The following COLEC10 variants were observed in gnomAD, a reference collection of about 807,000 sequenced individuals.
The protein encoded by COLEC10 is collectin-10.
In COLEC10, 22 loss-of-function variants were observed where a neutral mutation model predicts 28.4. That is an observed-to-expected ratio of 0.78 (90% CI 0.55 to 1.11). The LOEUF (loss-of-function observed/expected upper bound fraction) is 1.11. Ranked by LOEUF, COLEC10 falls within the 50% of genes least tolerant of loss-of-function variation. The pLI, the probability that COLEC10 is intolerant of heterozygous loss-of-function variation, is 0.00. For synonymous variants in COLEC10, 125 were observed against 116.1 expected, an observed-to-expected ratio of 1.08 and a Z score of -0.49; for missense variants, 361 against 344.1, an observed-to-expected ratio of 1.05 and a Z score of -0.39.
rs1178269260 is a variant in COLEC10 at position 119,006,761 on chromosome 8, G to A, written n.123-2680G>A. Among the ~76,000 whole-genome samples, 40 of 151,864 alleles carry A rather than the reference G, an allele frequency of 2.6e-4. 1 individual carries two copies. On this transcript the variant is annotated intron_variant and non_coding_transcript_variant, in intron 1 of 6. Transcript: ENST00000521788. ...CCATTTTTTTTTATCTCCATCAGAT[G>A]TATCACCTGTATAACTCCTGTTCGT...
At chr8:119,004,120 A>G (rs1813746277) in intron 1 of COLEC10, among the ~76,000 whole-genome samples, 1 of 152,084 alleles carries the variant, frequency 6.6e-6, no homozygotes, top group Admixed American at 6.6e-5. Context: ...TTTTCATAGT[A>G]AGCAATCAAA....
chr8:119,022,290 A>T (rs1010857857), intron 2 of COLEC10, among the ~76,000 whole-genome samples: 1 of 152,000 alleles, frequency 6.6e-6, no homozygotes, highest in Non-Finnish European at 1.5e-5. Context: ...GAGACTGAGC[A>T]CCCTCTCTTA....
At chr8:119,078,214 C>T (rs918999925) in intron 1 of COLEC10, among the ~76,000 whole-genome samples, 2 of 152,188 alleles carry the variant, frequency 1.3e-5, no homozygotes, top group African/African-American at 4.8e-5. Context: ...CATCTGCTAA[C>T]CTAATTTTAA....
chr8:119,077,350 C>T (rs1400697198), intron 1 of COLEC10, among the ~76,000 whole-genome samples: 1 of 139,976 alleles, frequency 7.1e-6, no homozygotes, highest in African/African-American at 2.6e-5. Flanking sequence ...TTTTTTTCTG[C>T]TCCCTCTTTT....
intron 2 of COLEC10, among the ~76,000 whole-genome samples, chr8:119,010,875 A>G (rs1462168034): frequency 6.6e-6 from 1 of 150,896 alleles, no homozygotes; most frequent in Non-Finnish European, 1.5e-5. Flanking sequence ...GAATTTTAAG[A>G]GTTCTTTGTA....
intron 2 of COLEC10, among the ~76,000 whole-genome samples, chr8:119,015,673 T>C (rs1294067821): frequency 6.6e-6 from 1 of 152,214 alleles, no homozygotes; most frequent in Non-Finnish European, 1.5e-5. Flanking sequence ...CTGTGCTGGT[T>C]CCTGTGAAAG....
the COLEC10 span, among the ~76,000 whole-genome samples, chr8:118,970,622 C>A: frequency 6.7e-6 from 1 of 148,310 alleles, no homozygotes. Context: ...CCTTTTCTTT[C>A]TCTTTTTTTT....
chr8:119,001,352 A>G (rs1301229597), intron 1 of COLEC10, among the ~76,000 whole-genome samples: 1 of 152,168 alleles, frequency 6.6e-6, no homozygotes, highest in East Asian at 1.9e-4. Flanking sequence ...AATTTTGCCT[A>G]GATGCTAAAT....
At chr8:119,034,835 C>A (rs888037197) in intron 2 of COLEC10, among the ~76,000 whole-genome samples, 8 of 152,152 alleles carry the variant, frequency 5.3e-5, no homozygotes, top group African/African-American at 1.9e-4. Context: ...ATTCCTGAAC[C>A]TCCATTTCTC....
intron 3 of COLEC10, among the ~76,000 whole-genome samples, 159 bp downstream of exon 3, chr8:119,091,379 C>A (rs562021737): frequency 4.1e-5 from 4 of 97,432 alleles, no homozygotes; most frequent in Non-Finnish European, 6.0e-5. Flanking sequence ...AAGACCCAAT[C>A]TCTACCAAAA....
chr8:119,040,210 G>T (rs1814469007), intron 2 of COLEC10, among the ~76,000 whole-genome samples: 1 of 152,088 alleles, frequency 6.6e-6, no homozygotes, highest in African/African-American at 2.4e-5. Context: ...GAAGTCATGA[G>T]AAATAACGTG....
chr8:118,965,149 C>G, the COLEC10 span, among the ~76,000 whole-genome samples: 3 of 152,084 alleles, frequency 2.0e-5, no homozygotes, highest in African/African-American at 7.2e-5. Flanking sequence ...AATGACTATT[C>G]TATTATTTAA....
intron 1 of COLEC10, chr8:119,067,685 G>A (rs947931663): frequency 4.0e-5 from 15 of 376,692 alleles, no homozygotes; most frequent in Non-Finnish European, 2.9e-5. Flanking sequence ...CAGGGCAGGG[G>A]GAAATTCCCT....
At chr8:119,005,412 C>T (rs1813776446) in intron 1 of COLEC10, among the ~76,000 whole-genome samples, 1 of 152,126 alleles carries the variant, frequency 6.6e-6, no homozygotes, top group Admixed American at 6.6e-5. Context: ...GTTTTTCTTT[C>T]CCCAGGGCTT....
intron 1 of COLEC10, among the ~76,000 whole-genome samples, chr8:119,073,913 ATG>A (rs1228879151): frequency 2.0e-5 from 3 of 150,880 alleles, no homozygotes; most frequent in African/African-American, 7.3e-5. Context: ...ACTTTTATAT[ATG>A]TATATATGTG....
chr8:119,077,370 A>C (rs902615746), intron 1 of COLEC10, among the ~76,000 whole-genome samples: 1 of 148,226 alleles, frequency 6.7e-6, no homozygotes, highest in Admixed American at 6.9e-5. Context: ...TTGATTCTGT[A>C]ATATTTTAAC....
intron 1 of COLEC10, among the ~76,000 whole-genome samples, chr8:119,075,790 CCTAA>C (rs1260332634): frequency 1.3e-5 from 2 of 152,110 alleles, no homozygotes; most frequent in Middle Eastern, 3.4e-3. Flanking sequence ...ATTCTACCTC[CCTAA>C]CTATGAAGAG....
intron 1 of COLEC10, among the ~76,000 whole-genome samples, chr8:119,008,718 G>A (rs1316504346): frequency 2.7e-5 from 4 of 150,776 alleles, no homozygotes; most frequent in East Asian, 1.9e-4. Flanking sequence ...GGCCATGCAT[G>A]TCTGTAATCT....
chr8:119,050,589 G>A (rs1210060798), intron 2 of COLEC10, among the ~76,000 whole-genome samples: 2 of 152,158 alleles, frequency 1.3e-5, no homozygotes, highest in Non-Finnish European at 2.9e-5. Context: ...TTCTACTTTA[G>A]TAAAGCTGTT....
Sources: gnomAD v4.1 joint callset for allele counts (sites outside exome capture counted in the v4.1 genomes callset) on GRCh38, gnomAD v4.1.1 for gene constraint, MANE v1.5 for transcripts, NCBI Gene and HGNC (gene_info 2026-07-23, HGNC 2026-07-21) for gene names.